The following DSCAM variants were observed in gnomAD, a reference collection of about 807,000 sequenced individuals.
DSCAM encodes the protein cell adhesion molecule DSCAM.
In DSCAM, 47 loss-of-function variants were observed where a neutral mutation model predicts 217.7. The ratio of observed to expected loss-of-function variants is 0.22; its 90% confidence interval spans 0.17 to 0.28. The LOEUF is 0.28. Among genes scored for constraint, DSCAM ranks in the 10% least tolerant of loss-of-function variants. DSCAM has a pLI of 1.00. For missense variants in DSCAM, 2,080 were observed against 2,618.3 expected (o/e 0.79, Z 4.49); for synonymous variants, 1,056 against 1,015.3 (o/e 1.04, Z -0.76).
intron 11 of DSCAM, among the ~76,000 whole-genome samples, chr21:40,198,520 A>T (rs114079181): frequency 4.0e-5 from 6 of 151,752 alleles, no homozygotes; most frequent in Non-Finnish European, 8.8e-5. Flanking sequence ...TGACCTGGAG[A>T]CCCACCCTGC....
At chr21:40,225,727 G>A (rs1345576551) in intron 11 of DSCAM, among the ~76,000 whole-genome samples, 2 of 152,084 alleles carry the variant, frequency 1.3e-5, no homozygotes, top group Non-Finnish European at 2.9e-5. Context: ...CACGATCTTT[G>A]TTGGGACCAT....
intron 3 of DSCAM, among the ~76,000 whole-genome samples, chr21:40,600,994 T>C (rs2077057569): frequency 6.6e-6 from 1 of 152,256 alleles, no homozygotes; most frequent in South Asian, 2.1e-4. Flanking sequence ...CTACAGTATC[T>C]CCTTGCCTAT....
chr21:40,589,937 ACTCTC>A (rs1388246108), intron 3 of DSCAM, among the ~76,000 whole-genome samples: 5 of 152,136 alleles, frequency 3.3e-5, no homozygotes, highest in African/African-American at 4.8e-5. Flanking sequence ...CCAAGTTAAC[ACTCTC>A]CTCTCCTATC....
rs145622527 is a variant in DSCAM, at chr21:40,604,355, T to C, written c.508+88455A>G. 6.9e-4 allele frequency among the ~76,000 whole-genome samples: 105 copies of C among 152,282 alleles called. No individual in the cohort carries two copies. In the East Asian group the frequency reaches 7.1e-3, roughly 10 times the overall value. On this transcript the variant is annotated intron_variant, in intron 3 of 32. Coordinates refer to ENST00000400454, the MANE Select transcript of DSCAM (RefSeq NM_001389.5). Reference sequence around the variant, plus strand: ...TCTTGCTTGTCATCTACTTTTCCTATTAGAACCCTAATTCTGTTAATCATA... The same window carrying C: ...TCTTGCTTGTCATCTACTTTTCCTACTAGAACCCTAATTCTGTTAATCATA...
At chr21:40,105,596 T>A (rs1297659301) in intron 20 of DSCAM, among the ~76,000 whole-genome samples, 1 of 152,130 alleles carries the variant, frequency 6.6e-6, no homozygotes, top group African/African-American at 2.4e-5. Context: ...TCCTAAGGCC[T>A]CCCCAGCCAT....
intron 3 of DSCAM, among the ~76,000 whole-genome samples, chr21:40,601,726 G>T (rs767179564): frequency 5.3e-5 from 8 of 152,122 alleles, no homozygotes; most frequent in Non-Finnish European, 1.2e-4. Context: ...ATAAATAAGT[G>T]CCGGTTTTAC....
At chr21:40,154,895 C>T (rs1459480762) in intron 16 of DSCAM, among the ~76,000 whole-genome samples, 3 of 152,218 alleles carry the variant, frequency 2.0e-5, no homozygotes, top group Non-Finnish European at 4.4e-5. Context: ...TCAGACTTGG[C>T]AGCTGAGGAG....
intron 10 of DSCAM, among the ~76,000 whole-genome samples, chr21:40,276,960 T>C (rs1388895871): frequency 1.3e-5 from 2 of 151,244 alleles, no homozygotes; most frequent in African/African-American, 4.9e-5. Flanking sequence ...GAAGGATTTA[T>C]ATACAACTGG....
chr21:40,075,161 C>T lies in DSCAM; in HGVS notation c.4764G>A (p.Thr1588=), dbSNP rs529976538. The stretch of plus-strand genomic sequence containing the variant: ...CCAGCATCTTGAGCCCCTCGTTGGT[C>T]GTCAGCCCTTCTTCGTTTTGGACAA... ...KSVVQNEEGL[T]TNEGLKMLVT... Residue 1588 remains threonine (T), a synonymous_variant, in exon 27 of 33, where the codon ACG becomes ACA. Transcript: ENST00000400454. 52 of 1,614,200 alleles carry T rather than the reference C, an allele frequency of 3.2e-5. No homozygotes were observed. The highest frequency in any genetic ancestry group is 2.3e-4 in the South Asian group (21 of 91,078).
At chr21:40,508,781 ATATT>A (rs2076234892) in intron 3 of DSCAM, among the ~76,000 whole-genome samples, 1 of 7,244 alleles carries the variant, frequency 1.4e-4, no homozygotes, top group Non-Finnish European at 2.2e-4. Context: ...ATATATATAT[ATATT>A]TTTTTTTTTT....
intron 3 of DSCAM, among the ~76,000 whole-genome samples, chr21:40,444,952 T>C (rs1187044805): frequency 6.6e-6 from 1 of 152,228 alleles, no homozygotes; most frequent in East Asian, 1.9e-4. Flanking sequence ...ACATTGTCTA[T>C]GTTTTCTGTT....
chr21:40,435,142 C>G (rs985004618), intron 3 of DSCAM, among the ~76,000 whole-genome samples: 2 of 152,230 alleles, frequency 1.3e-5, no homozygotes, highest in African/African-American at 4.8e-5. Flanking sequence ...TTTTCCAGTT[C>G]TGAAGTCTGG....
chr21:40,016,941 C>T lies in DSCAM; in HGVS notation c.5687-3555G>A, dbSNP rs1259368196. Among the ~76,000 whole-genome samples the T allele has an allele frequency of 6.6e-6, 1 of 152,098 alleles. No homozygotes were observed. Among genetic ancestry groups the T allele is most frequent in the Admixed American group, 6.6e-5 (1 of 15,266 alleles). On this transcript the variant is annotated intron_variant, in intron 32 of 32. Transcript: ENST00000400454. The surrounding 1 kb of genome is among the most constrained non-coding windows in gnomAD (Gnocchi z 4.3). ...GACCAGCCAGGCCAAAATGGGGAAA[C>T]CCCGTCTCTACTGAAAATAGAAAAA... is the stretch of plus-strand genomic sequence containing the variant.
At chr21:40,837,808 T>C (rs1317669722) in intron 1 of DSCAM, among the ~76,000 whole-genome samples, 1 of 152,234 alleles carries the variant, frequency 6.6e-6, no homozygotes, top group Non-Finnish European at 1.5e-5. Context: ...GCCATTGTTG[T>C]CATTGTTGGG....
rs187363367 is a variant in DSCAM at position 40,481,690 on chromosome 21, A to G, written c.509-112445T>C. 3.3e-3 allele frequency among the ~76,000 whole-genome samples: 504 copies of G among 152,308 alleles called. 1 individual carries two copies. Among genetic ancestry groups the G allele is most frequent in the Non-Finnish European group, 5.8e-3 (396 of 68,022 alleles). ...GTGTGATTTTCTTCTTCTGATTTTT[A>G]AAGTTCATAATAAAGCCAGAACTAT... On this transcript the variant is annotated intron_variant, in intron 3 of 32. Transcript: ENST00000400454.
intron 3 of DSCAM, among the ~76,000 whole-genome samples, chr21:40,444,505 C>T (rs1293717578): frequency 6.6e-6 from 1 of 152,162 alleles, no homozygotes; most frequent in Non-Finnish European, 1.5e-5. Context: ...CAATATCCAG[C>T]CACCTGGAGC....
chr21:40,630,013 T>C (rs1202936189), intron 3 of DSCAM, among the ~76,000 whole-genome samples: 6 of 152,162 alleles, frequency 3.9e-5, no homozygotes, highest in Non-Finnish European at 5.9e-5. Context: ...GGGTGCCCTT[T>C]ATGACCTAGA....
intron 20 of DSCAM, among the ~76,000 whole-genome samples, chr21:40,116,358 A>G (rs965466286): frequency 1.3e-5 from 2 of 152,218 alleles, no homozygotes; most frequent in African/African-American, 4.8e-5. Context: ...TAGCCGTGAA[A>G]TAAAAAGATA....
At chr21:40,773,178 C>T (rs1237192685) in intron 1 of DSCAM, among the ~76,000 whole-genome samples, 2 of 152,252 alleles carry the variant, frequency 1.3e-5, no homozygotes, top group Admixed American at 6.5e-5. Context: ...ACCCCCTTCT[C>T]AGGTTCTACT....
Sources: allele counts gnomAD v4.1 joint callset (sites outside exome capture counted in the v4.1 genomes callset), GRCh38; gene constraint gnomAD v4.1.1; non-coding constraint Gnocchi (gnomAD v3.1); transcripts MANE v1.5; gene names NCBI Gene and HGNC (gene_info 2026-07-23, HGNC 2026-07-21).